The following EPHA4 variants were observed in gnomAD, a reference collection of about 807,000 sequenced individuals.
EPHA4 encodes the protein EPH receptor A4.
Under a neutral mutation model 108.3 loss-of-function variants are expected in EPHA4, and 19 were observed. That is an observed-to-expected ratio of 0.18 (90% CI 0.12 to 0.26). The LOEUF is 0.26. Ranked by LOEUF, EPHA4 falls within the 10% of genes least tolerant of loss-of-function variation. EPHA4 has a pLI of 1.00. For synonymous variants in EPHA4, 449 were observed against 455.5 expected (o/e 0.99, Z 0.18); for missense variants, 917 against 1,254.0 (o/e 0.73, Z 4.06).
chr2:221,477,629 T>C (rs1036193886), intron 5 of EPHA4, among the ~76,000 whole-genome samples: 3 of 152,162 alleles, frequency 2.0e-5, no homozygotes, highest in African/African-American at 7.2e-5. Flanking sequence ...CGTAAATCCC[T>C]TGGCAAGGCA....
chr2:221,555,181 A>G (rs372957422), intron 3 of EPHA4, among the ~76,000 whole-genome samples: 2 of 152,202 alleles, frequency 1.3e-5, no homozygotes, highest in Non-Finnish European at 2.9e-5. Context: ...GCAGAGGTGC[A>G]TAAAAAGAGC....
intron 3 of EPHA4, among the ~76,000 whole-genome samples, chr2:221,513,594 C>T (rs138705972): frequency 1.3e-4 from 20 of 152,196 alleles, no homozygotes; most frequent in Non-Finnish European, 2.2e-4. Context: ...CAACGTATTA[C>T]GATTCTCTGC....
In EPHA4 at chr2:221,425,903, G is replaced by GTTTT; in HGVS notation, c.*121_*124dup. 1 of 677,938 alleles carries GTTTT rather than the reference G, an allele frequency of 1.5e-6. No homozygotes were observed. Among genetic ancestry groups the GTTTT allele is most frequent in the Non-Finnish European group, 2.4e-6 (1 of 408,954 alleles). The allele number at this position is 677,938 out of a possible 1,614,324, so 42.0% of individuals were successfully genotyped here. A position where few individuals can be genotyped will look rare whatever the true frequency, so the allele number is the denominator to read the frequency against. The stretch of plus-strand genomic sequence containing the variant: ...TGCACCAAGCAACGCTGCAGATATT[G>GTTTT]TTTTTTTTTTTCATTTCTTTAATTT... On this transcript the variant is annotated 3_prime_UTR_variant, in exon 17 of 18. Coordinates refer to ENST00000281821, the MANE Select transcript of EPHA4 (RefSeq NM_004438.5).
chr2:221,429,691 A>G (rs915338585), intron 15 of EPHA4, among the ~76,000 whole-genome samples: 4 of 152,138 alleles, frequency 2.6e-5, no homozygotes, highest in Admixed American at 2.6e-4. Context: ...GGCATCCTAA[A>G]ATAGGCACTT....
chr2:221,524,263 T>C (rs770011882), intron 3 of EPHA4, among the ~76,000 whole-genome samples: 3 of 152,210 alleles, frequency 2.0e-5, no homozygotes, highest in Non-Finnish European at 4.4e-5. Flanking sequence ...ACCCATCAGG[T>C]ACTGCCTGAG....
chr2:221,493,534 G>T (rs1266916966), intron 4 of EPHA4, among the ~76,000 whole-genome samples: 1 of 152,156 alleles, frequency 6.6e-6, no homozygotes, highest in East Asian at 1.9e-4. Flanking sequence ...ATTTTAATTT[G>T]CATTCAAATT....
intron 2 of EPHA4, among the ~76,000 whole-genome samples, chr2:221,564,818 G>A (rs564485611): frequency 6.9e-6 from 1 of 145,032 alleles, no homozygotes; most frequent in African/African-American, 2.6e-5. Context: ...GAAGAGCAGA[G>A]CTTGCCAAAG....
chr2:221,444,013 C>T (rs1387785946), intron 9 of EPHA4, among the ~76,000 whole-genome samples: 1 of 152,206 alleles, frequency 6.6e-6, no homozygotes, highest in Non-Finnish European at 1.5e-5. Flanking sequence ...TTTCAAACAG[C>T]TCTTTCCACA....
At chr2:221,470,577 C>A (rs1691450510) in intron 5 of EPHA4, among the ~76,000 whole-genome samples, 2 of 146,232 alleles carry the variant, frequency 1.4e-5, no homozygotes, top group Non-Finnish European at 3.0e-5. Flanking sequence ...TTTAGGGAAC[C>A]TCTGCTTTTC....
At chr2:221,553,204 G>A (rs186998407) in intron 3 of EPHA4, among the ~76,000 whole-genome samples, 58 of 152,298 alleles carry the variant, frequency 3.8e-4, no homozygotes, top group African/African-American at 1.3e-3. Flanking sequence ...TATTCAGTTT[G>A]TAAAATTCAT....
chr2:221,538,778 G>C (rs1218899157), intron 3 of EPHA4, among the ~76,000 whole-genome samples: 1 of 152,148 alleles, frequency 6.6e-6, no homozygotes, highest in South Asian at 2.1e-4. Flanking sequence ...TATTCGGTGA[G>C]TATGCTTCAA....
intron 11 of EPHA4, among the ~76,000 whole-genome samples, chr2:221,442,488 A>G (rs1372698250): frequency 6.6e-6 from 1 of 152,214 alleles, no homozygotes; most frequent in African/African-American, 2.4e-5. Flanking sequence ...TGTGCTTTAT[A>G]GGAAAAGTAC....
Position 221,442,828 on chromosome 2 carries a change from C to T in EPHA4, c.2074+1G>A. On this transcript the variant is annotated splice_donor_variant, in intron 11 of 17. Transcript: ENST00000281821. LOFTEE classifies it high-confidence loss of function. ...CTTTGTAAAGGGGGTGACCCACGTA[C>T]ATTTAGTGACCACGCCTTCCAAGTG... is the stretch of plus-strand genomic sequence containing the variant. The T allele has an allele frequency of 6.2e-7, 1 of 1,614,120 alleles. No homozygotes were observed. The highest frequency in any genetic ancestry group is 8.5e-7 in the Non-Finnish European group (1 of 1,179,996).
intron 3 of EPHA4, among the ~76,000 whole-genome samples, chr2:221,528,846 A>C (rs552681077): frequency 6.6e-6 from 1 of 152,276 alleles, no homozygotes; most frequent in African/African-American, 2.4e-5. Flanking sequence ...ATTTCAAATA[A>C]ATAAATGGCC....
At chr2:221,529,843 A>G (rs1033837555) in intron 3 of EPHA4, among the ~76,000 whole-genome samples, 15 of 152,170 alleles carry the variant, frequency 9.9e-5, no homozygotes, top group Non-Finnish European at 2.1e-4. Context: ...CCTACATTTG[A>G]GGAAACCCAC....
intron 3 of EPHA4, among the ~76,000 whole-genome samples, chr2:221,501,897 T>C (rs900583382): frequency 6.6e-6 from 1 of 152,220 alleles, no homozygotes; most frequent in Admixed American, 6.5e-5. Context: ...TGCTAAGATT[T>C]GTTTTTTGAT....
chr2:221,510,301 A>G (rs955176867), intron 3 of EPHA4, among the ~76,000 whole-genome samples: 11 of 152,232 alleles, frequency 7.2e-5, no homozygotes, highest in Non-Finnish European at 1.5e-4. Flanking sequence ...GATTGGAAGT[A>G]TGTAAAAATT....
intron 8 of EPHA4, among the ~76,000 whole-genome samples, chr2:221,446,826 T>C (rs1047999581): frequency 6.6e-5 from 10 of 152,292 alleles, no homozygotes; most frequent in Non-Finnish European, 1.2e-4. Context: ...TGTTCCCTAA[T>C]TTGTAAAAAA....
rs1043674076 is a variant in EPHA4 at position 221,432,313 on chromosome 2, A to T, written c.2496+1829T>A. On this transcript the variant is annotated intron_variant, in intron 14 of 17. Transcript: ENST00000281821. ...AGTATCGAATAATTACAGTAACTAC[A>T]TTTACTATTTGCTCATTTAGGTTTT... 3.3e-5 allele frequency among the ~76,000 whole-genome samples: 5 copies of T among 152,264 alleles called. No homozygotes were observed. In the East Asian group the frequency reaches 7.7e-4, roughly 23 times the overall value.
Sources: gnomAD v4.1 joint callset for allele counts (sites outside exome capture counted in the v4.1 genomes callset) on GRCh38, gnomAD v4.1.1 for gene constraint, MANE v1.5 for transcripts, NCBI Gene and HGNC (gene_info 2026-07-23, HGNC 2026-07-21) for gene names.